The following CDC123 variants were observed in gnomAD, a reference collection of about 807,000 sequenced individuals.
CDC123 encodes the protein translation initiation factor eIF2 assembly protein.
A neutral mutation model predicts 54.4 loss-of-function variants in CDC123; 37 were observed. The observed-to-expected ratio is 0.68, with a 90% CI of 0.52 to 0.89. The LOEUF is 0.89. CDC123 is among the 40% of genes least tolerant of loss of function. CDC123 has a pLI of 0.00. For synonymous variants in CDC123, 144 were observed against 136.8 expected, an observed-to-expected ratio of 1.05 and a Z score of -0.37; for missense variants, 361 against 412.1, an observed-to-expected ratio of 0.88 and a Z score of 1.07.
intron 11 of CDC123, among the ~76,000 whole-genome samples, chr10:12,248,649 TA>T (rs927551374): frequency 7.2e-6 from 1 of 138,118 alleles, no homozygotes; most frequent in African/African-American, 2.8e-5. Context: ...CTACTAAAAG[TA>T]AAAAAATTAG....
intron 7 of CDC123, among the ~76,000 whole-genome samples, chr10:12,233,208 G>A (rs973582978): frequency 2.6e-5 from 4 of 151,108 alleles, no homozygotes; most frequent in African/African-American, 9.7e-5. Context: ...TACTCTTCAA[G>A]TAATTCAAAT....
At position 12,237,160 on chromosome 10, in the gene CDC123, C is replaced by T; in HGVS notation, c.582C>T (p.Asp194=). 1.9e-6 allele frequency: 3 copies of T among 1,548,626 alleles called. No individual in the cohort carries two copies. Among genetic ancestry groups the T allele is most frequent in the Non-Finnish European group, 2.6e-6 (3 of 1,156,076 alleles). The stretch of plus-strand genomic sequence containing the variant: ...TCTTGTCAGGTATTTCTCAAAGAGA[C>T]TACACACAATACTATGATCATATTT... The part of the protein sequence containing the change: ...ENKLIGISQR[D]YTQYYDHISK... The change falls in exon 9 of 13, where the codon GAC becomes GAT. Residue 194 remains aspartate, a synonymous_variant. Coordinates refer to ENST00000281141, the MANE Select transcript of CDC123 (RefSeq NM_006023.3).
chr10:12,250,092 T>G, intron 12 of CDC123: 1 of 474,746 alleles, frequency 2.1e-6, no homozygotes, highest in Non-Finnish European at 3.7e-6. Flanking sequence ...TGTGTAGGAG[T>G]TTTTGTATGT....
At chr10:12,197,436 CA>C (rs1564430699) in intron 1 of CDC123, among the ~76,000 whole-genome samples, 1 of 151,544 alleles carries the variant, frequency 6.6e-6, no homozygotes, top group Non-Finnish European at 1.5e-5. Context: ...AGTGCAGTGG[CA>C]GCGATCTTGG....
chr10:12,197,743 T>G (rs1193384243), intron 1 of CDC123, among the ~76,000 whole-genome samples: 6 of 135,120 alleles, frequency 4.4e-5, no homozygotes, highest in Non-Finnish European at 9.7e-5. Flanking sequence ...AAAACCGAAG[T>G]TTTTGCTCTG....
chr10:12,200,031 C>T (rs185039767), intron 2 of CDC123, among the ~76,000 whole-genome samples: 21 of 151,272 alleles, frequency 1.4e-4, no homozygotes, highest in Non-Finnish European at 2.4e-4. Context: ...CTGTCTTAGC[C>T]AGGATGGTCT....
intron 10 of CDC123, among the ~76,000 whole-genome samples, chr10:12,240,024 A>T (rs1309042781): frequency 1.3e-5 from 2 of 151,460 alleles, no homozygotes; most frequent in Admixed American, 1.3e-4. Flanking sequence ...AAAAAAAAAA[A>T]AATTATTATT....
intron 2 of CDC123, among the ~76,000 whole-genome samples, chr10:12,200,886 T>C (rs1014602068): frequency 2.0e-5 from 3 of 151,892 alleles, no homozygotes; most frequent in African/African-American, 4.8e-5. Context: ...TGAGCCGAGA[T>C]CATGCCATTG....
chr10:12,226,879 C>T (rs924974774), intron 6 of CDC123, among the ~76,000 whole-genome samples: 3 of 152,132 alleles, frequency 2.0e-5, no homozygotes, highest in East Asian at 3.9e-4. Context: ...GCTGCAATCT[C>T]GGCACTTTGG....
chr10:12,231,932 G>A (rs1339939800), intron 7 of CDC123, among the ~76,000 whole-genome samples: 4 of 151,860 alleles, frequency 2.6e-5, no homozygotes, highest in Admixed American at 6.6e-5. Flanking sequence ...TGAAACCTCT[G>A]CCTCCTGGAC....
chr10:12,217,103 A>G (rs1239111369), intron 5 of CDC123, among the ~76,000 whole-genome samples: 2 of 152,190 alleles, frequency 1.3e-5, no homozygotes, highest in African/African-American at 2.4e-5. Flanking sequence ...CAGTAAGAAA[A>G]ACACTGGGAA....
At chr10:12,238,357 A>C (rs1836006484) in intron 9 of CDC123, 100 bp from the exon 10 acceptor site, 3 of 1,353,606 alleles carry the variant, frequency 2.2e-6, no homozygotes, top group Non-Finnish European at 3.0e-6. Context: ...GGTCATTTAT[A>C]TTCTGCTGTC....
Position 12,196,293 on chromosome 10 carries a change from G to A in CDC123, c.48G>A (p.Pro16=). The A allele has an allele frequency of 1.9e-6, 3 of 1,613,752 alleles. No individual in the cohort carries two copies. Among genetic ancestry groups the A allele is most frequent in the South Asian group, 2.2e-5 (2 of 91,054 alleles). ...VLHCQFSAWY[P]FFRGVTIKSV... Reference sequence around the variant, plus strand: ...ACTGCCAGTTCTCCGCGTGGTACCCGTTCTTCCGAGGCGTTACCATCAAGA... The same window carrying A: ...ACTGCCAGTTCTCCGCGTGGTACCCATTCTTCCGAGGCGTTACCATCAAGA... Residue 16 remains proline (P), a synonymous_variant, in exon 1 of 13, where the codon CCG becomes CCA. Coordinates refer to ENST00000281141, the MANE Select transcript of CDC123 (RefSeq NM_006023.3).
At chr10:12,217,591 A>T in intron 6 of CDC123, 124 bp downstream of exon 6, 1 of 916,826 alleles carries the variant, frequency 1.1e-6, no homozygotes, top group Non-Finnish European at 1.5e-6. Flanking sequence ...GCTATTTCAT[A>T]TTGCCAAAAT....
rs893681001 is a variant in CDC123 at position 12,230,287 on chromosome 10, G to C, written c.441-661G>C. On this transcript the variant is annotated intron_variant, in intron 6 of 12. Coordinates refer to ENST00000281141, the MANE Select transcript of CDC123 (RefSeq NM_006023.3). The stretch of plus-strand genomic sequence containing the variant: ...GGCTCACTGCATCCTCCGCCTCACG[G>C]TTTTAGGTGATTCCCCTGCCTCAGC... Among the ~76,000 whole-genome samples, 4 of 152,016 alleles carry C rather than the reference G, an allele frequency of 2.6e-5. No homozygotes were observed. The East Asian group carries it at 7.7e-4, about 29-fold the overall frequency.
chr10:12,201,489 G>A (rs765892805), intron 2 of CDC123, among the ~76,000 whole-genome samples: 11 of 151,862 alleles, frequency 7.2e-5, no homozygotes, highest in Non-Finnish European at 1.3e-4. Flanking sequence ...GAAGGGTGAA[G>A]GGAAGAATCT....
rs554590221 is a variant in CDC123 at position 12,234,155 on chromosome 10, C to T, written c.490-893C>T. 9.9e-5 allele frequency among the ~76,000 whole-genome samples: 15 copies of T among 152,184 alleles called. No homozygotes were observed. In the South Asian group the frequency reaches 2.1e-3, roughly 21 times the overall value. ...TCGCCCAGGCTGGAGTGCAGTGTGG[C>T]GCAATCTCGGCTCACTGCAACCTCC... is the stretch of plus-strand genomic sequence containing the variant. On this transcript the variant is annotated intron_variant, in intron 7 of 12. Coordinates refer to ENST00000281141, the MANE Select transcript of CDC123 (RefSeq NM_006023.3).
In CDC123 at chr10:12,226,880, G is replaced by A. The variant is rs187531181; in HGVS notation, c.441-4068G>A. On this transcript the variant is annotated intron_variant, in intron 6 of 12. Coordinates refer to ENST00000281141, the MANE Select transcript of CDC123 (RefSeq NM_006023.3). ...GCGGCTGGGCAGAGGCTGCAATCTC[G>A]GCACTTTGGGAGGCGAAGGCAGGCG... Among the ~76,000 whole-genome samples, 653 of 152,230 alleles carry A rather than the reference G, an allele frequency of 4.3e-3. 5 individuals are homozygous for A. The highest frequency in any genetic ancestry group is 0.036 in the South Asian group (173 of 4,826).
chr10:12,210,084 A>G lies in CDC123; in HGVS notation c.204+60A>G. On this transcript the variant is annotated intron_variant, in intron 3 of 12. Coordinates refer to ENST00000281141, the MANE Select transcript of CDC123 (RefSeq NM_006023.3). The stretch of plus-strand genomic sequence containing the variant: ...TGTTGTAATTTAAATGATCTCTGAG[A>G]TGGTTCTGACTTGTAGATCTTATCT... 3 of 1,564,378 alleles carry G rather than the reference A, an allele frequency of 1.9e-6. No homozygotes were observed. In the South Asian group the frequency reaches 3.3e-5, roughly 17 times the overall value.
Sources: allele counts gnomAD v4.1 joint callset (sites outside exome capture counted in the v4.1 genomes callset), GRCh38; gene constraint gnomAD v4.1.1; transcripts MANE v1.5; gene names NCBI Gene and HGNC (gene_info 2026-07-23, HGNC 2026-07-21).